LRPAP1: variants seen among roughly 807,000 people sequenced by gnomAD.
LRPAP1 encodes LDL receptor related protein associated protein 1, also known as alpha-2-macroglobulin receptor-associated protein.
LRPAP1 carries 41 observed loss-of-function variants against 39.9 expected under a neutral mutation model. The observed-to-expected ratio is 1.03, with a 90% CI of 0.80 to 1.33. The LOEUF (loss-of-function observed/expected upper bound fraction) is 1.33. Among genes scored for constraint, LRPAP1 ranks in the 40% most tolerant of loss-of-function variants. The probability of loss-of-function intolerance (pLI) is 0.00; values close to 1 mark genes in which losing one functional copy is unlikely to be tolerated. For synonymous variants in LRPAP1, 263 were observed against 212.7 expected, an observed-to-expected ratio of 1.24 and a Z score of -2.06; for missense variants, 565 against 482.3, an observed-to-expected ratio of 1.17 and a Z score of -1.61.
chr4:3,523,698 G>A (rs1729990235), intron 2 of LRPAP1, among the ~76,000 whole-genome samples: 1 of 152,142 alleles, frequency 6.6e-6, no homozygotes, highest in Non-Finnish European at 1.5e-5. Flanking sequence ...GAACTCCGTA[G>A]ACACCTCCTC....
chr4:3,513,644 A>T (rs953960246), intron 7 of LRPAP1, among the ~76,000 whole-genome samples: 4 of 152,084 alleles, frequency 2.6e-5, no homozygotes, highest in African/African-American at 9.7e-5. Flanking sequence ...GACCAGAGAG[A>T]CTGGGACAGA....
Position 3,511,124 on chromosome 4 carries a change from T to C in LRPAP1, c.*1850A>G, listed in dbSNP as rs988113427. 7 of 152,130 alleles carry C rather than the reference T, an allele frequency of 4.6e-5. No homozygotes were observed. The highest frequency in any genetic ancestry group is 4.6e-4 in the Admixed American group (7 of 15,266). 9.4% of individuals were successfully genotyped at this position (152,130 alleles called of 1,614,324 possible). A position where few individuals can be genotyped will look rare whatever the true frequency, so the allele number is the denominator to read the frequency against. ...ACCAAGTCTCAGCAATCCACTAGTG[T>C]TCTCCTTCCACCCAGCTGGGAGAAA... On this transcript the variant is annotated 3_prime_UTR_variant, in exon 8 of 8. Coordinates refer to ENST00000650182, the MANE Select transcript of LRPAP1 (RefSeq NM_002337.4).
At chr4:3,529,892 C>T (rs953241696) in intron 1 of LRPAP1, among the ~76,000 whole-genome samples, 4 of 152,194 alleles carry the variant, frequency 2.6e-5, no homozygotes, top group Non-Finnish European at 5.9e-5. Context: ...TTTCATGAAG[C>T]AAACCAAAGA....
chr4:3,528,096 A>G (rs931568227), intron 1 of LRPAP1, among the ~76,000 whole-genome samples: 4 of 152,218 alleles, frequency 2.6e-5, no homozygotes, highest in African/African-American at 9.6e-5. Flanking sequence ...TGTGCAGAGG[A>G]AGACCAGCAG....
chr4:3,516,311 C>A (rs1003888042), intron 5 of LRPAP1, 113 bp from the exon 6 acceptor site: 10 of 745,532 alleles, frequency 1.3e-5, no homozygotes, highest in Admixed American at 1.2e-4. Context: ...GCAGGCGCGA[C>A]CTGCATGTGT....
At chr4:3,514,966 G>A (rs373535232) in intron 6 of LRPAP1, 38 bp from the exon 7 acceptor site, 276 of 1,600,364 alleles carry the variant, frequency 1.7e-4, no homozygotes, top group Non-Finnish European at 2.2e-4. Flanking sequence ...TTCCCTTCCC[G>A]TGCTCGCCAC....
chr4:3,507,485 C>CATTAT lies in LRPAP1; in HGVS notation c.*5484_*5488dup, dbSNP rs386399086. 1 of 149,244 alleles carries CATTAT rather than the reference C, an allele frequency of 6.7e-6. No individual in the cohort carries two copies. Among genetic ancestry groups the CATTAT allele is most frequent in the Non-Finnish European group, 1.5e-5 (1 of 66,772 alleles). The allele number at this position is 149,244 out of a possible 1,614,324, so 9.2% of individuals were successfully genotyped here. A position where few individuals can be genotyped will look rare whatever the true frequency, so the allele number is the denominator to read the frequency against. On this transcript the variant is annotated 3_prime_UTR_variant, in exon 8 of 8. Transcript: ENST00000650182. Reference sequence around the variant, plus strand: ...TTTACCTACATATCATATATTTATACATTATCATCTGCGAATTACTGACAT... The same window carrying CATTAT: ...TTTACCTACATATCATATATTTATACATTATATTATCATCTGCGAATTACTGACAT...
chr4:3,515,689 C>T (rs1729669911), intron 6 of LRPAP1, among the ~76,000 whole-genome samples: 1 of 152,158 alleles, frequency 6.6e-6, no homozygotes. Flanking sequence ...TGATCTGGCA[C>T]TCCACACGCC....
At position 3,532,369 on chromosome 4, in the gene LRPAP1, G is replaced by A. The variant is rs764573629; in HGVS notation, c.44C>T (p.Ala15Val). The A allele has an allele frequency of 1.9e-6, 3 of 1,593,228 alleles. No individual in the cohort carries two copies. Among genetic ancestry groups the A allele is most frequent in the South Asian group, 1.1e-5 (1 of 88,288 alleles). Residue 15 changes from alanine (A) to valine (V), a missense_variant, in exon 1 of 8, where the codon GCG becomes GTG. Ala to Val is a moderately conservative substitution (Grantham distance 64). Transcript: ENST00000650182. Reference sequence around the variant, plus strand: ...GAGGAAGAGCAGCAGCAGTAGCAGCGCCGGGAGCCCGCGCAGAAACGACCT... The same window carrying A: ...GAGGAAGAGCAGCAGCAGTAGCAGCACCGGGAGCCCGCGCAGAAACGACCT... ...RVRSFLRGLPALLLLLLFLGP... is the reference protein window; with the variant it reads ...RVRSFLRGLPVLLLLLLFLGP...
At chr4:3,528,136 G>A (rs1354040048) in intron 1 of LRPAP1, among the ~76,000 whole-genome samples, 2 of 152,202 alleles carry the variant, frequency 1.3e-5, no homozygotes, top group African/African-American at 2.4e-5. Flanking sequence ...CCCCACGTCT[G>A]GATTCTTTCA....
In LRPAP1 at chr4:3,513,117, G is replaced by A. The variant is rs1287180908; in HGVS notation, c.1012-81C>T. 24 of 1,103,626 alleles carry A rather than the reference G, an allele frequency of 2.2e-5. No individual in the cohort carries two copies. In the Admixed American group the frequency reaches 2.6e-4, roughly 12 times the overall value. The allele number at this position is 1,103,626 out of a possible 1,614,324, so 68.4% of individuals were successfully genotyped here. On this transcript the variant is annotated intron_variant, in intron 7 of 7. Coordinates refer to ENST00000650182, the MANE Select transcript of LRPAP1 (RefSeq NM_002337.4). ...TGAGCTCAGCCTCATGTCAGGAGAC[G>A]CGCGATCCAAAAGGAAAAGGCGCAA...
intron 7 of LRPAP1, among the ~76,000 whole-genome samples, chr4:3,514,508 G>T (rs960522016): frequency 6.6e-6 from 1 of 152,246 alleles, no homozygotes; most frequent in African/African-American, 2.4e-5. Context: ...GCAGTGGCCC[G>T]CCGGGGCCTG....
At chr4:3,518,287 C>T (rs1017515880) in intron 4 of LRPAP1, 95 bp from the exon 5 acceptor site, 21 of 1,339,154 alleles carry the variant, frequency 1.6e-5, no homozygotes, top group Non-Finnish European at 2.0e-5. Flanking sequence ...GGAGCTCAAA[C>T]TCGCTCTCAT....
chr4:3,529,557 A>C (rs931652543), intron 1 of LRPAP1, among the ~76,000 whole-genome samples: 3 of 152,100 alleles, frequency 2.0e-5, no homozygotes, highest in African/African-American at 7.2e-5. Flanking sequence ...ATGGCCTCTG[A>C]CCTCCAAAGC....
intron 6 of LRPAP1, 22 bp downstream of exon 6, chr4:3,516,094 G>A (rs777315322): frequency 3.9e-6 from 6 of 1,558,350 alleles, no homozygotes; most frequent in Non-Finnish European, 5.2e-6. Context: ...AGAGCTAGAA[G>A]GAGAGGGCCG....
intron 6 of LRPAP1, among the ~76,000 whole-genome samples, 175 bp from the exon 7 acceptor site, chr4:3,515,103 G>T (rs946924732): frequency 6.6e-6 from 1 of 152,190 alleles, no homozygotes. Flanking sequence ...CACTAGCAAC[G>T]GGTCCCAGCC....
At chr4:3,527,528 G>A (rs1162087458) in intron 1 of LRPAP1, among the ~76,000 whole-genome samples, 1 of 152,232 alleles carries the variant, frequency 6.6e-6, no homozygotes, top group African/African-American at 2.4e-5. Context: ...CTGCTACCCT[G>A]TAGGCGCCTT....
intron 3 of LRPAP1, among the ~76,000 whole-genome samples, chr4:3,519,652 C>T (rs1403665662): frequency 6.6e-6 from 1 of 152,224 alleles, no homozygotes; most frequent in Admixed American, 6.5e-5. Flanking sequence ...CGCCTGGCCC[C>T]GCACCCTTCC....
intron 5 of LRPAP1, among the ~76,000 whole-genome samples, chr4:3,516,519 G>A (rs1293176948): frequency 6.6e-6 from 1 of 152,262 alleles, no homozygotes; most frequent in Admixed American, 6.5e-5. Flanking sequence ...GAAGCAGGAG[G>A]CAGAGGATGG....
Sources: gnomAD v4.1 joint callset for allele counts (sites outside exome capture counted in the v4.1 genomes callset) on GRCh38, gnomAD v4.1.1 for gene constraint, MANE v1.5 for transcripts, NCBI Gene and HGNC (gene_info 2026-07-23, HGNC 2026-07-21) for gene names.